The following SLC13A3 variants were observed in gnomAD, a reference collection of about 807,000 sequenced individuals.
SLC13A3 encodes Na(+)/dicarboxylate cotransporter 3.
A neutral mutation model predicts 59.0 loss-of-function variants in SLC13A3; 40 were observed. That is an observed-to-expected ratio of 0.68 (90% CI 0.53 to 0.88). The LOEUF (loss-of-function observed/expected upper bound fraction) is 0.88, where lower values mean the gene tolerates loss of function less well. Among genes scored for constraint, SLC13A3 ranks in the 40% least tolerant of loss-of-function variants. SLC13A3 has a pLI of 0.00. For missense variants in SLC13A3, 699 were observed against 783.2 expected, an observed-to-expected ratio of 0.89 and a Z score of 1.28; for synonymous variants, 317 against 330.3, an observed-to-expected ratio of 0.96 and a Z score of 0.44.
chr20:46,679,471 G>A (rs563044966), intron 1 of SLC13A3, among the ~76,000 whole-genome samples: 8 of 152,116 alleles, frequency 5.3e-5, no homozygotes, highest in Admixed American at 1.3e-4. Flanking sequence ...AAAATTCGCC[G>A]GGCGTGGTGG....
chr20:46,626,894 C>G (rs997662697), intron 1 of SLC13A3, among the ~76,000 whole-genome samples: 1 of 152,110 alleles, frequency 6.6e-6, no homozygotes, highest in Admixed American at 6.5e-5. Flanking sequence ...CTTGACCCCA[C>G]GCACCCCCTT....
chr20:46,680,497 A>C (rs1600639527), intron 1 of SLC13A3, among the ~76,000 whole-genome samples: 1 of 152,086 alleles, frequency 6.6e-6, no homozygotes, highest in Non-Finnish European at 1.5e-5. Flanking sequence ...AGGCAGGGAG[A>C]GTGGTCAGCA....
rs569852178 is a variant in SLC13A3 at position 46,590,129 on chromosome 20, AT to A, written c.921-875del. 1.2e-4 allele frequency among the ~76,000 whole-genome samples: 19 copies of A among 152,324 alleles called. No homozygotes were observed. The East Asian group carries it at 3.5e-3, about 28-fold the overall frequency. On this transcript the variant is annotated intron_variant, in intron 6 of 12. Coordinates refer to ENST00000279027, the MANE Select transcript of SLC13A3 (RefSeq NM_022829.6). ...AATGGTGTTAGGACACTGGGTGACC[AT>A]TTGGGACAAAAAAAAGTGAAGTTGA...
At chr20:46,654,899 C>T (rs2062973389), upstream of SLC13A3, among the ~76,000 whole-genome samples, 1 of 152,178 alleles carries the variant, frequency 6.6e-6, no homozygotes, top group Non-Finnish European at 1.5e-5. Flanking sequence ...TTTCCAACAT[C>T]TGAGAAGGTC....
chr20:46,591,036 G>A (rs937343825), intron 6 of SLC13A3, among the ~76,000 whole-genome samples: 6 of 151,646 alleles, frequency 4.0e-5, no homozygotes, highest in Non-Finnish European at 7.4e-5. Context: ...TGGGCAAGGT[G>A]GCAAGAGCCT....
chr20:46,643,174 G>A (rs1198469527), intron 1 of SLC13A3, among the ~76,000 whole-genome samples: 2 of 152,028 alleles, frequency 1.3e-5, no homozygotes, highest in African/African-American at 4.8e-5. Context: ...CTGCCCTTGT[G>A]AGCTTATACC....
chr20:46,662,424 C>G (rs990956309), intron 1 of SLC13A3, among the ~76,000 whole-genome samples: 90 of 152,250 alleles, frequency 5.9e-4, no homozygotes, highest in African/African-American at 2.0e-3. Context: ...GTCATTCCTG[C>G]CTACCATGTG....
chr20:46,584,599 A>C, intron 8 of SLC13A3: 1 of 623,182 alleles, frequency 1.6e-6, no homozygotes, highest in Non-Finnish European at 2.0e-6. Context: ...CAAAACACTA[A>C]TGGTATACCA....
intron 1 of SLC13A3, among the ~76,000 whole-genome samples, chr20:46,683,001 G>A (rs1167493322): frequency 6.6e-6 from 1 of 152,112 alleles, no homozygotes; most frequent in Non-Finnish European, 1.5e-5. Context: ...TGGGCCAAGG[G>A]CTAAGTGTGC....
intron 1 of SLC13A3, among the ~76,000 whole-genome samples, chr20:46,681,474 AAG>A (rs1012270508): frequency 6.6e-6 from 1 of 151,376 alleles, no homozygotes. Flanking sequence ...GGAGGAAGAG[AAG>A]AGAGAAAGTG....
chr20:46,656,388 ATAT>A (rs2062992577), upstream of SLC13A3, among the ~76,000 whole-genome samples: 1 of 22,042 alleles, frequency 4.5e-5, no homozygotes, highest in African/African-American at 1.8e-4. Flanking sequence ...ATTATACTGT[ATAT>A]GATATACTAT....
intron 1 of SLC13A3, among the ~76,000 whole-genome samples, chr20:46,632,460 AGG>A (rs5841651): frequency 1.5e-5 from 2 of 131,526 alleles, no homozygotes; most frequent in East Asian, 2.3e-4. Flanking sequence ...CCAGCCCCCA[AGG>A]GGGAAAAAAA....
At chr20:46,599,876 G>C (rs1214012405) in intron 4 of SLC13A3, 95 bp downstream of exon 4, 5 of 951,618 alleles carry the variant, frequency 5.3e-6, no homozygotes, top group Non-Finnish European at 4.7e-6. Flanking sequence ...GAAAAATTCA[G>C]GGATGGGAGG....
At chr20:46,621,128 A>G (rs1463035683) in intron 1 of SLC13A3, among the ~76,000 whole-genome samples, 2 of 152,218 alleles carry the variant, frequency 1.3e-5, no homozygotes, top group Non-Finnish European at 2.9e-5. Context: ...GAACAATAAC[A>G]TCTGCTCATT....
chr20:46,626,717 A>G (rs2062677141), intron 1 of SLC13A3, among the ~76,000 whole-genome samples: 1 of 151,492 alleles, frequency 6.6e-6, no homozygotes, highest in South Asian at 2.1e-4. Flanking sequence ...GCCAGGACTT[A>G]AGAACAAAAC....
chr20:46,634,230 C>T (rs1437868185), intron 1 of SLC13A3, among the ~76,000 whole-genome samples: 1 of 152,168 alleles, frequency 6.6e-6, no homozygotes, highest in Non-Finnish European at 1.5e-5. Context: ...TTTTCATATC[C>T]TCTCTGGGGG....
intron 11 of SLC13A3, among the ~76,000 whole-genome samples, chr20:46,564,970 G>A (rs1303474578): frequency 1.3e-5 from 2 of 152,196 alleles, no homozygotes; most frequent in African/African-American, 4.8e-5. Flanking sequence ...AGAAACCAAA[G>A]ACAAGGTGCT....
At chr20:46,649,182 CCTT>C (rs1349837759) in intron 1 of SLC13A3, among the ~76,000 whole-genome samples, 3 of 152,250 alleles carry the variant, frequency 2.0e-5, no homozygotes, top group East Asian at 3.9e-4. Context: ...CAATAAAACA[CCTT>C]CTTCATCAGG....
At chr20:46,661,021 G>T (rs758974633) in intron 1 of SLC13A3, among the ~76,000 whole-genome samples, 15 of 151,982 alleles carry the variant, frequency 9.9e-5, no homozygotes, top group Non-Finnish European at 2.2e-4. Flanking sequence ...ATTTGTTTAT[G>T]CATGTTGTTC....
Sources: gnomAD v4.1 joint callset for allele counts (sites outside exome capture counted in the v4.1 genomes callset) on GRCh38, gnomAD v4.1.1 for gene constraint, MANE v1.5 for transcripts, NCBI Gene and HGNC (gene_info 2026-07-23, HGNC 2026-07-21) for gene names.